ZNF789: variants seen among roughly 807,000 people sequenced by gnomAD.
ZNF789 encodes zinc finger protein 789.
ZNF789 carries 11 observed loss-of-function variants against 15.6 expected under a neutral mutation model. The ratio of observed to expected loss-of-function variants is 0.70; its 90% CI spans 0.44 to 1.16. ZNF789 has a LOEUF of 1.16. Ranked by LOEUF, ZNF789 falls within the 50% of genes most tolerant of loss-of-function variation. The pLI is 0.00. For missense variants in ZNF789, 461 were observed against 512.6 expected (o/e 0.90, Z 0.97); for synonymous variants, 159 against 176.0 (o/e 0.90, Z 0.76).
intron 4 of ZNF789, 149 bp downstream of exon 4, chr7:99,484,292 G>T: frequency 8.2e-6 from 5 of 613,220 alleles, no homozygotes; most frequent in Non-Finnish European, 1.4e-5. Flanking sequence ...GAAGTGGGAG[G>T]AAGATCGGCG....
At chr7:99,479,611 G>A (rs748403907) in intron 2 of ZNF789, 50 bp from the exon 3 acceptor site, 19 of 1,545,894 alleles carry the variant, frequency 1.2e-5, no homozygotes, top group Non-Finnish European at 1.6e-5. Flanking sequence ...TAATCATTGA[G>A]CGTAAGTTAT....
intron 1 of ZNF789, chr7:99,476,174 G>C: frequency 2.2e-6 from 1 of 446,788 alleles, no homozygotes; most frequent in Non-Finnish European, 4.0e-6. Context: ...ACATGTTCTA[G>C]GGAGAAGGGG....
At chr7:99,482,374 G>C in intron 3 of ZNF789, 1 of 659,734 alleles carries the variant, frequency 1.5e-6, no homozygotes, top group South Asian at 1.7e-5. Context: ...AATTAACTGT[G>C]TGTTGTGCAC....
chr7:99,484,666 C>A (rs140922719), intron 4 of ZNF789, among the ~76,000 whole-genome samples: 1 of 151,266 alleles, frequency 6.6e-6, no homozygotes, highest in African/African-American at 2.4e-5. Flanking sequence ...TGGGGGCTCA[C>A]GCCGGTAATC....
intron 3 of ZNF789, chr7:99,481,936 A>T: frequency 2.0e-6 from 1 of 491,570 alleles, no homozygotes; most frequent in Non-Finnish European, 3.6e-6. Context: ...ACTTTTTCCC[A>T]GTCCGTCTAT....
At chr7:99,479,010 C>G (rs1799479395) in intron 2 of ZNF789, 1 of 152,638 alleles carries the variant, frequency 6.6e-6, no homozygotes, top group Admixed American at 6.5e-5. Flanking sequence ...CTTCCAGCAG[C>G]CTTCTGGGCT....
Position 99,486,511 on chromosome 7 carries a change from C to A in ZNF789, c.301C>A (p.Pro101Thr), listed in dbSNP as rs1171134141. Residue 101 changes from proline to threonine, a missense_variant, in exon 5 of 5, where the codon CCA (proline) becomes ACA (threonine). Coordinates refer to ENST00000331410, the MANE Select transcript of ZNF789 (RefSeq NM_213603.3). The part of the protein sequence containing the change: ...EARHKMKKLT[P>T]KQKFSEDLES... Reference sequence around the variant, plus strand: ...CAGACACAAGATGAAAAAGCTAACTCCAAAACAGAAATTTTCTGAAGATTT... The same window carrying A: ...CAGACACAAGATGAAAAAGCTAACTACAAAACAGAAATTTTCTGAAGATTT... 6.2e-7 allele frequency: 1 copy of A among 1,612,914 alleles called. No homozygotes were observed. The highest frequency in any genetic ancestry group is 1.7e-5 in the Admixed American group (1 of 59,806).
rs559252177 is a variant in ZNF789, at chr7:99,479,961, A to G, written c.151+174A>G. 5 of 781,630 alleles carry G rather than the reference A, an allele frequency of 6.4e-6. No homozygotes were observed. In the East Asian group the frequency reaches 1.2e-4, roughly 19 times the overall value. 48.4% of individuals were successfully genotyped at this position (781,630 alleles called of 1,614,324 possible). On this transcript the variant is annotated intron_variant, in intron 3 of 4. Transcript: ENST00000331410. ...CATCACCACAGTGAAACCTGACTTC[A>G]TCCTATAGGAAACCATTTATTGTCT...
intron 3 of ZNF789, among the ~76,000 whole-genome samples, chr7:99,483,403 G>A (rs1799748783): frequency 6.6e-6 from 1 of 152,138 alleles, no homozygotes; most frequent in Non-Finnish European, 1.5e-5. Flanking sequence ...GCCAAGGCGG[G>A]TGGATCACCT....
chr7:99,479,569 C>T, intron 2 of ZNF789, 92 bp from the exon 3 acceptor site: 1 of 1,449,816 alleles, frequency 6.9e-7, no homozygotes, highest in Non-Finnish European at 9.1e-7. Flanking sequence ...CCACACTCTA[C>T]CTCCCAAACC....
chr7:99,485,524 C>G (rs953050033), intron 4 of ZNF789, among the ~76,000 whole-genome samples: 2 of 152,130 alleles, frequency 1.3e-5, no homozygotes, highest in South Asian at 4.2e-4. Context: ...GATGTTTCAC[C>G]TAGAGTTATT....
chr7:99,485,097 A>G, intron 4 of ZNF789: 1 of 1,325,204 alleles, frequency 7.5e-7, no homozygotes, highest in South Asian at 1.4e-5. Flanking sequence ...CACCCTCATT[A>G]CTTGTCCTCT....
At chr7:99,480,638 T>G (rs1799573409) in intron 3 of ZNF789, 1 of 152,246 alleles carries the variant, frequency 6.6e-6, no homozygotes, top group East Asian at 1.9e-4. Flanking sequence ...TCACTTCTTA[T>G]GCTCTTGAAA....
At chr7:99,475,368 C>T (rs59240302) in intron 1 of ZNF789, among the ~76,000 whole-genome samples, 2 of 151,700 alleles carry the variant, frequency 1.3e-5, no homozygotes, top group South Asian at 2.1e-4. Flanking sequence ...GTACTCCAGC[C>T]TGCACAACAA....
intron 2 of ZNF789, chr7:99,478,233 G>A: frequency 7.9e-7 from 1 of 1,265,792 alleles, no homozygotes; most frequent in South Asian, 1.2e-5. Context: ...GACTCTGGGA[G>A]ATGAAGCCAT....
At position 99,487,249 on chromosome 7, in the gene ZNF789, G is replaced by GA; in HGVS notation, c.1039_1040insA (p.Gly347GlufsTer6). 6.2e-7 allele frequency: 1 copy of GA among 1,614,154 alleles called. No individual in the cohort carries two copies. The highest frequency in any genetic ancestry group is 8.5e-7 in the Non-Finnish European group (1 of 1,180,036). On this transcript the variant is annotated frameshift_variant, in exon 5 of 5. Transcript: ENST00000331410. LOFTEE classifies it low-confidence loss of function (END_TRUNC). ...GAACACCCATAAATGCAGTGAATGT[G>GA]GACAGTCCTTTGGTAGGAATGTGGA...
Position 99,487,224 on chromosome 7 carries a change from G to T in ZNF789, c.1014G>T (p.Pro338=). The T allele has an allele frequency of 3.1e-6, 5 of 1,614,134 alleles. No individual in the cohort carries two copies. The highest frequency in any genetic ancestry group is 4.2e-6 in the Non-Finnish European group (5 of 1,180,044). Residue 338 remains proline (P), a synonymous_variant, in exon 5 of 5, where the codon CCG becomes CCT. Coordinates refer to ENST00000331410, the MANE Select transcript of ZNF789 (RefSeq NM_213603.3). ...LLCHQQIHSK[P]NTHKCSECGQ... is the part of the protein sequence containing the mutation. ...GTCATCAACAGATTCACAGTAAACC[G>T]AACACCCATAAATGCAGTGAATGTG... is the stretch of plus-strand genomic sequence containing the variant.
At chr7:99,482,671 A>C (rs1321620385) in intron 3 of ZNF789, among the ~76,000 whole-genome samples, 4 of 151,294 alleles carry the variant, frequency 2.6e-5, no homozygotes, top group Non-Finnish European at 5.9e-5. Context: ...CCTGAGCAAC[A>C]TGGAGAAACC....
intron 1 of ZNF789, among the ~76,000 whole-genome samples, chr7:99,474,502 G>C (rs946137814): frequency 1.1e-4 from 17 of 152,038 alleles, no homozygotes; most frequent in Admixed American, 7.9e-4. Context: ...GCTGAGGCAG[G>C]AGAATGGCGT....
Sources: gnomAD v4.1 joint callset for allele counts (sites outside exome capture counted in the v4.1 genomes callset) on GRCh38, gnomAD v4.1.1 for gene constraint, MANE v1.5 for transcripts, NCBI Gene and HGNC (gene_info 2026-07-23, HGNC 2026-07-21) for gene names.